Variants in GRIA4 observed in about 807,000 individuals in gnomAD.
The protein encoded by GRIA4 is glutamate receptor 4.
In GRIA4, 34 loss-of-function variants were observed where a neutral mutation model predicts 104.0. That is an observed-to-expected ratio of 0.33 (90% CI 0.25 to 0.44). GRIA4 has a LOEUF of 0.44. GRIA4 is among the 20% of genes least tolerant of loss of function. GRIA4 has a pLI of 1.00. For synonymous variants in GRIA4, 386 were observed against 381.9 expected (o/e 1.01, Z -0.13); for missense variants, 750 against 1,096.5 (o/e 0.68, Z 4.46).
intron 4 of GRIA4, among the ~76,000 whole-genome samples, chr11:105,795,749 A>T (rs1318418116): frequency 6.6e-6 from 1 of 152,134 alleles, no homozygotes; most frequent in Middle Eastern, 3.2e-3. Context: ...AAAATAGAAA[A>T]ATGAAGAAAA....
At chr11:105,611,799 C>T (rs1950487911) in intron 2 of GRIA4, among the ~76,000 whole-genome samples, 2 of 152,208 alleles carry the variant, frequency 1.3e-5, no homozygotes. Context: ...TTCTCGTGGA[C>T]TGTGCATAAA....
At chr11:105,775,801 A>C (rs1023037919) in intron 4 of GRIA4, among the ~76,000 whole-genome samples, 1 of 152,006 alleles carries the variant, frequency 6.6e-6, no homozygotes, top group East Asian at 1.9e-4. Context: ...ATGACACCCA[A>C]CTTTATCAAG....
At chr11:105,943,767 T>C (rs957174950) in intron 14 of GRIA4, among the ~76,000 whole-genome samples, 1 of 152,098 alleles carries the variant, frequency 6.6e-6, no homozygotes, top group African/African-American at 2.4e-5. Flanking sequence ...GTGACTACCA[T>C]GGATGAAATA....
intron 3 of GRIA4, among the ~76,000 whole-genome samples, chr11:105,745,477 A>G (rs1028855412): frequency 6.6e-6 from 1 of 151,974 alleles, no homozygotes; most frequent in African/African-American, 2.4e-5. Flanking sequence ...GTAAAGTGAC[A>G]GAAAAACACA....
At chr11:105,970,688 G>A (rs1858639519) in intron 14 of GRIA4, among the ~76,000 whole-genome samples, 1 of 152,160 alleles carries the variant, frequency 6.6e-6, no homozygotes, top group African/African-American at 2.4e-5. Context: ...TGTAACTCCA[G>A]ATGCACTCAG....
chr11:105,716,438 T>C (rs746331197), intron 3 of GRIA4, among the ~76,000 whole-genome samples: 16 of 152,166 alleles, frequency 1.1e-4, no homozygotes, highest in Admixed American at 4.6e-4. Flanking sequence ...TAAATGATAA[T>C]ACAGTGGTTA....
At chr11:105,664,654 A>AT (rs1469519516) in intron 3 of GRIA4, among the ~76,000 whole-genome samples, 1 of 151,886 alleles carries the variant, frequency 6.6e-6, no homozygotes, top group African/African-American at 2.4e-5. Flanking sequence ...TACAAATCTT[A>AT]TTTTTTTAAA....
chr11:105,639,929 T>C (rs993900933), intron 3 of GRIA4, among the ~76,000 whole-genome samples: 2 of 151,982 alleles, frequency 1.3e-5, no homozygotes, highest in African/African-American at 4.8e-5. Context: ...AATATGAAAA[T>C]GACAATGAAT....
In GRIA4 at chr11:105,636,656, G is replaced by A. The variant is rs187551274; in HGVS notation, c.247+24222G>A. On this transcript the variant is annotated intron_variant, in intron 3 of 16. Transcript: ENST00000282499. Reference sequence around the variant, plus strand: ...GCCTCATTTAATGCAGCCATATGGTGATACTTCCTCACTGGTGTGACAAGG... The same window carrying A: ...GCCTCATTTAATGCAGCCATATGGTAATACTTCCTCACTGGTGTGACAAGG... Among the ~76,000 whole-genome samples the A allele has an allele frequency of 1.3e-3, 192 of 152,250 alleles. 1 individual carries two copies. Among genetic ancestry groups the A allele is most frequent in the African/African-American group, 4.4e-3 (183 of 41,560 alleles).
rs1310802183 is a variant in GRIA4, at chr11:105,797,720, T to C, written c.487+44500T>C. ...TCTTTGTGTCTTGTTCATTTCTCTT[T>C]TGTAGGACTTGTAATCAGTACCACA... On this transcript the variant is annotated intron_variant, in intron 4 of 16. Transcript: ENST00000282499. 7.4e-6 allele frequency: 3 copies of C among 407,236 alleles called. No individual in the cohort carries two copies. The Admixed American group carries it at 8.8e-5, about 12-fold the overall frequency. The allele number at this position is 407,236 out of a possible 1,614,324, so 25.2% of individuals were successfully genotyped here. A position where few individuals can be genotyped will look rare whatever the true frequency, so the allele number is the denominator to read the frequency against.
chr11:105,672,642 C>T (rs916384007), intron 3 of GRIA4, among the ~76,000 whole-genome samples: 4 of 151,914 alleles, frequency 2.6e-5, no homozygotes, highest in Non-Finnish European at 5.9e-5. Flanking sequence ...AGTATTAATC[C>T]GTATTTCCAA....
intron 4 of GRIA4, among the ~76,000 whole-genome samples, chr11:105,785,259 T>C (rs978367690): frequency 3.3e-5 from 5 of 152,156 alleles, no homozygotes; most frequent in African/African-American, 9.7e-5. Flanking sequence ...GAAAAATAAA[T>C]GAGGTACAAT....
intron 9 of GRIA4, among the ~76,000 whole-genome samples, chr11:105,908,586 T>A (rs1361521690): frequency 4.1e-5 from 6 of 146,552 alleles, no homozygotes; most frequent in African/African-American, 1.5e-4. Flanking sequence ...TTTTTTTTTT[T>A]AACCAGAATT....
chr11:105,659,245 A>C lies in GRIA4; in HGVS notation c.247+46811A>C, dbSNP rs76885736. 8.7e-3 allele frequency among the ~76,000 whole-genome samples: 1,330 copies of C among 152,068 alleles called. 19 individuals are homozygous for C. Among genetic ancestry groups the C allele is most frequent in the African/African-American group, 0.031 (1,274 of 41,508 alleles). On this transcript the variant is annotated intron_variant, in intron 3 of 16. Coordinates refer to ENST00000282499, the MANE Select transcript of GRIA4 (RefSeq NM_000829.4). The stretch of plus-strand genomic sequence containing the variant: ...ATTGGCAGAGCATGGCTGTCACAAG[A>C]AGCTACAATGCCAAGTACTTACTTA...
intron 3 of GRIA4, among the ~76,000 whole-genome samples, chr11:105,718,095 T>G (rs1030589871): frequency 6.6e-6 from 1 of 152,042 alleles, no homozygotes; most frequent in African/African-American, 2.4e-5. Flanking sequence ...GCTCTAAAAT[T>G]AAAACCAAAA....
intron 6 of GRIA4, among the ~76,000 whole-genome samples, chr11:105,894,391 A>G (rs923194792): frequency 1.3e-5 from 2 of 152,110 alleles, no homozygotes; most frequent in Non-Finnish European, 2.9e-5. Flanking sequence ...TATTTAGGAT[A>G]AGGCCAATAA....
At chr11:105,921,019 CAA>C (rs1947543450) in intron 11 of GRIA4, among the ~76,000 whole-genome samples, 1 of 152,182 alleles carries the variant, frequency 6.6e-6, no homozygotes, top group Non-Finnish European at 1.5e-5. Flanking sequence ...TTCTATAGAA[CAA>C]AGTCTATTAT....
chr11:105,757,832 C>G (rs1321543219), intron 4 of GRIA4, among the ~76,000 whole-genome samples: 2 of 152,122 alleles, frequency 1.3e-5, no homozygotes, highest in Non-Finnish European at 2.9e-5. Flanking sequence ...TGCCCTACTC[C>G]ATGGAAATTC....
rs147601093 is a variant in GRIA4 at position 105,862,091 on chromosome 11, T to C, written c.555T>C (p.Cys185=). The change falls in exon 5 of 17, where the codon TGT becomes TGC. Residue 185 remains cysteine, a synonymous_variant. Coordinates refer to ENST00000282499, the MANE Select transcript of GRIA4 (RefSeq NM_000829.4). ...ATGGTTGGCATGTCAGCGCTATATG[T>C]GTGGAAAATTTTAATGATGTCAGCT... ...GQNGWHVSAI[C]VENFNDVSYR... is the part of the protein sequence containing the mutation. The C allele has an allele frequency of 1.1e-5, 17 of 1,611,152 alleles. No individual in the cohort carries two copies. The highest frequency in any genetic ancestry group is 1.7e-5 in the Admixed American group (1 of 59,968).
Sources: allele counts gnomAD v4.1 joint callset (sites outside exome capture counted in the v4.1 genomes callset), GRCh38; gene constraint gnomAD v4.1.1; transcripts MANE v1.5; gene names NCBI Gene and HGNC (gene_info 2026-07-23, HGNC 2026-07-21).